AIDA: variants seen among roughly 807,000 people sequenced by gnomAD.
AIDA encodes axin interactor, dorsalization associated, also known as axin interactor, dorsalization-associated protein.
In AIDA, 18 loss-of-function variants were observed where a neutral mutation model predicts 42.7. The observed-to-expected ratio is 0.42, with a 90% confidence interval of 0.29 to 0.63. The LOEUF is 0.63. Among genes scored for constraint, AIDA ranks in the 20% least tolerant of loss-of-function variants. The pLI is 0.19. For synonymous variants in AIDA, 104 were observed against 122.9 expected, an observed-to-expected ratio of 0.85 and a Z score of 1.02; for missense variants, 250 against 354.1, an observed-to-expected ratio of 0.71 and a Z score of 2.36.
intron 4 of AIDA, among the ~76,000 whole-genome samples, chr1:222,692,602 C>A (rs1335627841): frequency 6.6e-6 from 1 of 152,140 alleles, no homozygotes; most frequent in Non-Finnish European, 1.5e-5. Context: ...AGCACTGAAT[C>A]AGGCTCTGTG....
chr1:222,688,264 C>T (rs1655251127), intron 4 of AIDA, among the ~76,000 whole-genome samples: 1 of 151,842 alleles, frequency 6.6e-6, no homozygotes, highest in Non-Finnish European at 1.5e-5. Context: ...ATTCTCTGTC[C>T]TGAGATTTCC....
chr1:222,687,076 A>G, intron 5 of AIDA, 40 bp from the exon 6 acceptor site: 3 of 1,594,990 alleles, frequency 1.9e-6, no homozygotes, highest in Non-Finnish European at 2.6e-6. Flanking sequence ...AAACTGCAAA[A>G]CTAAATATAC....
At chr1:222,693,939 T>C in intron 3 of AIDA, 96 bp from the exon 4 acceptor site, 2 of 1,097,740 alleles carry the variant, frequency 1.8e-6, no homozygotes, top group Non-Finnish European at 2.6e-6. Context: ...AAAAGGATTC[T>C]ATTTCTTGCT....
At chr1:222,706,459 G>A (rs1392431238) in intron 1 of AIDA, among the ~76,000 whole-genome samples, 1 of 151,530 alleles carries the variant, frequency 6.6e-6, no homozygotes, top group Non-Finnish European at 1.5e-5. Context: ...ACCAAATATG[G>A]TATATCCATA....
intron 1 of AIDA, among the ~76,000 whole-genome samples, chr1:222,706,497 A>G (rs2124970397): frequency 6.6e-6 from 1 of 152,320 alleles, no homozygotes; most frequent in East Asian, 1.9e-4. Context: ...CCAATTTAAA[A>G]AAAAAAAGCA....
chr1:222,712,458 G>T lies in AIDA; in HGVS notation c.-141C>A. On this transcript the variant is annotated 5_prime_UTR_variant, in exon 1 of 10. Transcript: ENST00000340020. ...CACCACCGCCACCCGCCGAGGAGCC[G>T]CCCAAGCCCATTTGCCGCCACAGCC... The T allele has an allele frequency of 7.0e-7, 1 of 1,428,616 alleles. No homozygotes were observed. Among genetic ancestry groups the T allele is most frequent in the Non-Finnish European group, 9.1e-7 (1 of 1,094,022 alleles). The allele number at this position is 1,428,616 out of a possible 1,614,324, so 88.5% of individuals were successfully genotyped here. A position where few individuals can be genotyped will look rare whatever the true frequency, so the allele number is the denominator to read the frequency against.
intron 2 of AIDA, among the ~76,000 whole-genome samples, chr1:222,695,274 T>G (rs1428457614): frequency 6.6e-6 from 1 of 152,200 alleles, no homozygotes; most frequent in Non-Finnish European, 1.5e-5. Context: ...GGCAGATCAC[T>G]TGAGGTTGGG....
intron 2 of AIDA, among the ~76,000 whole-genome samples, chr1:222,702,832 C>T (rs2124968250): frequency 6.6e-6 from 1 of 152,340 alleles, no homozygotes; most frequent in Middle Eastern, 3.4e-3. Context: ...CTGGGTTTCC[C>T]CAGTCTTCAC....
intron 4 of AIDA, 127 bp from the exon 5 acceptor site, chr1:222,687,785 C>T: frequency 2.9e-6 from 2 of 696,124 alleles, no homozygotes; most frequent in Non-Finnish European, 4.3e-6. Flanking sequence ...AGCCTTACCA[C>T]CATTTGAGAG....
intron 2 of AIDA, 30 bp downstream of exon 2, chr1:222,703,118 C>A (rs377665757): frequency 3.9e-6 from 6 of 1,533,594 alleles, no homozygotes; most frequent in Non-Finnish European, 5.3e-6. Flanking sequence ...TGTTTGGAAT[C>A]TGATATATCT....
rs962773275 is a variant in AIDA at position 222,693,675 on chromosome 1, G to A, written c.289+114C>T. 7.1e-6 allele frequency: 6 copies of A among 849,310 alleles called. No homozygotes were observed. The African/African-American group carries it at 8.4e-5, about 12-fold the overall frequency. 52.6% of individuals were successfully genotyped at this position (849,310 alleles called of 1,614,324 possible). A position where few individuals can be genotyped will look rare whatever the true frequency, so the allele number is the denominator to read the frequency against. ...CAAAAGCACCCAAAAAATCACATAG[G>A]ACTAGATATTAACAGAAATAAATCA... On this transcript the variant is annotated intron_variant, in intron 4 of 9. Coordinates refer to ENST00000340020, the MANE Select transcript of AIDA (RefSeq NM_022831.4).
At position 222,700,186 on chromosome 1, in the gene AIDA, T is replaced by C. The variant is rs1277760324; in HGVS notation, c.180+2962A>G. Among the ~76,000 whole-genome samples the C allele has an allele frequency of 1.3e-5, 2 of 152,220 alleles. 1 individual carries two copies. The highest frequency in any genetic ancestry group is 4.8e-5 in the African/African-American group (2 of 41,458). ...CACAAGCTCTCTCTGTAGTCTCAAC[T>C]GGCAGCCACAAATGCCTCCTAGGCA... On this transcript the variant is annotated intron_variant, in intron 2 of 9. Coordinates refer to ENST00000340020, the MANE Select transcript of AIDA (RefSeq NM_022831.4).
At chr1:222,689,970 T>C (rs1330669384) in intron 4 of AIDA, among the ~76,000 whole-genome samples, 2 of 152,126 alleles carry the variant, frequency 1.3e-5, no homozygotes, top group Non-Finnish European at 2.9e-5. Context: ...CTATCCTTTT[T>C]CTACTATGTT....
chr1:222,698,007 C>T (rs1422145926), intron 2 of AIDA, among the ~76,000 whole-genome samples: 3 of 152,122 alleles, frequency 2.0e-5, no homozygotes, highest in African/African-American at 4.8e-5. Context: ...CTATTCTGTC[C>T]AGAAACTTAC....
chr1:222,705,500 T>G (rs1486171724), intron 1 of AIDA, among the ~76,000 whole-genome samples: 2 of 152,220 alleles, frequency 1.3e-5, no homozygotes, highest in Non-Finnish European at 2.9e-5. Context: ...GCAGAATCAC[T>G]GTCAGAAGGG....
At chr1:222,690,614 G>A (rs1174942700) in intron 4 of AIDA, among the ~76,000 whole-genome samples, 1 of 152,004 alleles carries the variant, frequency 6.6e-6, no homozygotes, top group East Asian at 1.9e-4. Flanking sequence ...ACTGCATGTT[G>A]CAATTCCGTG....
At chr1:222,679,285 G>A (rs1275764629) in intron 6 of AIDA, among the ~76,000 whole-genome samples, 1 of 151,894 alleles carries the variant, frequency 6.6e-6, no homozygotes, top group Non-Finnish European at 1.5e-5. Flanking sequence ...AAAGAAGAAT[G>A]AACACATTCA....
In AIDA at chr1:222,694,240, T is replaced by G. The variant is rs1655453791; in HGVS notation, c.204A>C (p.Thr68=). ...AAGCTGCACTTCGCAATTCCAAGCA[T>G]GTTGCAATTTTGCCTATGGTTTTCT... ...EQKKTIGKIA[T]CLELRSAALQ... is the part of the protein sequence containing the mutation. Residue 68 remains threonine (T), a synonymous_variant, in exon 3 of 10, where the codon ACA becomes ACC. Transcript: ENST00000340020. The G allele has an allele frequency of 6.2e-7, 1 of 1,612,012 alleles. No homozygotes were observed. The highest frequency in any genetic ancestry group is 1.3e-5 in the African/African-American group (1 of 74,858).
chr1:222,679,154 A>C (rs1664608170), intron 6 of AIDA, among the ~76,000 whole-genome samples: 1 of 152,208 alleles, frequency 6.6e-6, no homozygotes, highest in South Asian at 2.1e-4. Flanking sequence ...AAGAAGATAA[A>C]ATACTAGGAT....
Sources: allele counts gnomAD v4.1 joint callset (sites outside exome capture counted in the v4.1 genomes callset), GRCh38; gene constraint gnomAD v4.1.1; transcripts MANE v1.5; gene names NCBI Gene and HGNC (gene_info 2026-07-23, HGNC 2026-07-21).